The following VPS50 variants were observed in gnomAD, a reference collection of about 807,000 sequenced individuals.
The protein encoded by VPS50 is VPS50 subunit of EARP/GARPII complex, also known as syndetin.
In VPS50, 70 loss-of-function variants were observed where a neutral mutation model predicts 139.7. That is an observed-to-expected ratio of 0.50 (90% confidence interval 0.41 to 0.61). The LOEUF (loss-of-function observed/expected upper bound fraction) is 0.61. VPS50 is among the 20% of genes least tolerant of loss of function. VPS50 has a pLI of 0.00. For synonymous variants in VPS50, 365 were observed against 376.7 expected (o/e 0.97, Z 0.36); for missense variants, 921 against 1,133.7 (o/e 0.81, Z 2.69).
intron 24 of VPS50, 108 bp from the exon 25 acceptor site, chr7:93,349,767 G>T (rs1185334683): frequency 6.8e-6 from 5 of 730,032 alleles, no homozygotes; most frequent in Non-Finnish European, 1.1e-5. Flanking sequence ...CAAATATATA[G>T]TGTTTTATTT....
chr7:93,236,358 T>C (rs1156970411), intron 1 of VPS50, among the ~76,000 whole-genome samples: 2 of 152,176 alleles, frequency 1.3e-5, no homozygotes, highest in Non-Finnish European at 1.5e-5. Context: ...GTAAACACTC[T>C]TGAGTTTTGC....
At chr7:93,312,918 A>T (rs1797313152) in intron 20 of VPS50, among the ~76,000 whole-genome samples, 1 of 152,154 alleles carries the variant, frequency 6.6e-6, no homozygotes, top group African/African-American at 2.4e-5. Context: ...ATGTCCGAAC[A>T]CATTCCTTGA....
intron 9 of VPS50, among the ~76,000 whole-genome samples, chr7:93,264,364 G>A (rs1380113766): frequency 2.6e-5 from 4 of 152,184 alleles, no homozygotes; most frequent in African/African-American, 9.7e-5. Flanking sequence ...ATGCTAAAGT[G>A]CATCTATGAA....
At chr7:93,300,273 A>G (rs896287015) in intron 16 of VPS50, among the ~76,000 whole-genome samples, 1 of 152,166 alleles carries the variant, frequency 6.6e-6, no homozygotes, top group African/African-American at 2.4e-5. Context: ...TCTACCAAAC[A>G]TTTAAGGAGA....
At chr7:93,310,114 AT>A (rs897310534) in intron 19 of VPS50, among the ~76,000 whole-genome samples, 23 of 152,116 alleles carry the variant, frequency 1.5e-4, no homozygotes, top group Admixed American at 4.6e-4. Flanking sequence ...TTTTGGGAAT[AT>A]TTTGGCCAAA....
chr7:93,287,442 A>C (rs886872850), intron 12 of VPS50, among the ~76,000 whole-genome samples: 28 of 151,692 alleles, frequency 1.8e-4, no homozygotes, highest in African/African-American at 6.5e-4. Context: ...TTTTCAAATA[A>C]ATAGGCATAT....
intron 19 of VPS50, among the ~76,000 whole-genome samples, chr7:93,309,930 T>G (rs1264081222): frequency 6.6e-6 from 1 of 151,992 alleles, no homozygotes; most frequent in African/African-American, 2.4e-5. Flanking sequence ...CTGTTTAACT[T>G]GAAATCTCGA....
chr7:93,303,115 A>G (rs1562877026), intron 16 of VPS50, among the ~76,000 whole-genome samples: 1 of 151,968 alleles, frequency 6.6e-6, no homozygotes, highest in East Asian at 1.9e-4. Context: ...ATGTTTTAGC[A>G]TCAATATATA....
intron 17 of VPS50, among the ~76,000 whole-genome samples, chr7:93,304,918 T>A (rs1797072826): frequency 6.6e-6 from 1 of 151,918 alleles, no homozygotes; most frequent in South Asian, 2.1e-4. Flanking sequence ...TATGATTAAA[T>A]GTATAGTTGA....
intron 2 of VPS50, among the ~76,000 whole-genome samples, chr7:93,248,349 A>G (rs968304579): frequency 1.3e-4 from 20 of 151,846 alleles, no homozygotes; most frequent in African/African-American, 4.8e-4. Context: ...TATTGGTTCT[A>G]TTTTAGGTGA....
At chr7:93,354,287 TTTC>T (rs1374710138) in intron 26 of VPS50, among the ~76,000 whole-genome samples, 1 of 124,448 alleles carries the variant, frequency 8.0e-6, no homozygotes, top group Non-Finnish European at 1.6e-5. Flanking sequence ...CTTTTTTTCT[TTTC>T]TTTTCTTTCT....
intron 12 of VPS50, among the ~76,000 whole-genome samples, chr7:93,279,204 T>C (rs1421193127): frequency 6.6e-6 from 1 of 152,216 alleles, no homozygotes; most frequent in Non-Finnish European, 1.5e-5. Context: ...CAGGCAGATA[T>C]GAGTGCAGAA....
intron 11 of VPS50, among the ~76,000 whole-genome samples, chr7:93,274,348 C>A (rs1309372820): frequency 6.6e-6 from 1 of 152,062 alleles, no homozygotes; most frequent in East Asian, 1.9e-4. Flanking sequence ...TTATTAGGGG[C>A]TAAGGCATGT....
intron 21 of VPS50, among the ~76,000 whole-genome samples, chr7:93,325,202 T>C (rs1485523136): frequency 6.6e-6 from 1 of 152,200 alleles, no homozygotes; most frequent in East Asian, 1.9e-4. Context: ...GGGAAAGGAT[T>C]CCCTATTTAA....
chr7:93,322,491 T>G (rs896594623), intron 20 of VPS50, among the ~76,000 whole-genome samples: 10 of 149,216 alleles, frequency 6.7e-5, no homozygotes, highest in Non-Finnish European at 8.9e-5. Flanking sequence ...TCCCAGCTAC[T>G]CGGGAGGCTG....
chr7:93,241,238 A>C (rs1794979451), intron 2 of VPS50, among the ~76,000 whole-genome samples: 1 of 152,098 alleles, frequency 6.6e-6, no homozygotes, highest in African/African-American at 2.4e-5. Context: ...ATGTTTTCCC[A>C]GTACTGGTTG....
chr7:93,348,730 T>A lies in VPS50; in HGVS notation c.2227T>A (p.Phe743Ile). 1 of 1,612,356 alleles carries A rather than the reference T, an allele frequency of 6.2e-7. No individual in the cohort carries two copies. The highest frequency in any genetic ancestry group is 8.5e-7 in the Non-Finnish European group (1 of 1,178,490). The change falls in exon 24 of 28, where the codon TTT becomes ATT. Residue 743 changes from phenylalanine (F) to isoleucine (I), a missense_variant. Coordinates refer to ENST00000305866, the MANE Select transcript of VPS50 (RefSeq NM_017667.4). ...CTTTAGGGTATTCTTGGCTGAACAG[T>A]TTGAGTTCCTTCAGCCACATCTGGA... is the stretch of plus-strand genomic sequence containing the variant. ...TESLVFLAEQ[F>I]EFLQPHLDAV...
chr7:93,309,827 G>A (rs1797214993), intron 19 of VPS50, among the ~76,000 whole-genome samples: 1 of 151,864 alleles, frequency 6.6e-6, no homozygotes, highest in African/African-American at 2.4e-5. Context: ...AGTGACTATA[G>A]ATATACTTTT....
intron 2 of VPS50, chr7:93,246,081 T>G: frequency 1.3e-6 from 2 of 1,487,734 alleles, no homozygotes; most frequent in Non-Finnish European, 1.8e-6. Context: ...ACTAAACGCT[T>G]CTTTTTTTTT....
Sources: gnomAD v4.1 joint callset for allele counts (sites outside exome capture counted in the v4.1 genomes callset) on GRCh38, gnomAD v4.1.1 for gene constraint, MANE v1.5 for transcripts, NCBI Gene and HGNC (gene_info 2026-07-23, HGNC 2026-07-21) for gene names.